Variants in VAPB observed in about 807,000 individuals in gnomAD.
VAPB encodes VAMP associated protein B and C.
VAPB carries 7 observed loss-of-function variants against 25.6 expected under a neutral mutation model. That is an observed-to-expected ratio of 0.27 (90% CI 0.16 to 0.51). VAPB has a LOEUF of 0.51. Ranked by LOEUF, VAPB falls within the 20% of genes least tolerant of loss-of-function variation. The probability of loss-of-function intolerance (pLI) is 0.97; values close to 1 mark genes in which losing one functional copy is unlikely to be tolerated. For missense variants in VAPB, 266 were observed against 301.3 expected (o/e 0.88, Z 0.87); for synonymous variants, 112 against 109.2 (o/e 1.03, Z -0.16).
At chr20:58,417,562 T>A (rs186878428) in intron 1 of VAPB, among the ~76,000 whole-genome samples, 134 of 152,334 alleles carry the variant, frequency 8.8e-4, no homozygotes, top group African/African-American at 1.7e-3. Context: ...CGTGAGTAAT[T>A]AGTACCGTCT....
chr20:58,431,673 C>G lies in VAPB; in HGVS notation c.212-2929C>G, dbSNP rs866695387. On this transcript the variant is annotated intron_variant, in intron 2 of 5. Coordinates refer to ENST00000475243, the MANE Select transcript of VAPB (RefSeq NM_004738.5). The stretch of plus-strand genomic sequence containing the variant: ...GCAGCCTCCATCTCCCAGGCCTAAG[C>G]AGTCCTTCCACCTCAATCTCAGCCT... Among the ~76,000 whole-genome samples, 10 of 152,140 alleles carry G rather than the reference C, an allele frequency of 6.6e-5. No individual in the cohort carries two copies. In the South Asian group the frequency reaches 1.9e-3, roughly 28 times the overall value.
In VAPB at chr20:58,445,426, A is replaced by G; in HGVS notation, c.*1191A>G. ...AAGGGAAGAGAGAAACTCTTCAGCG[A>G]ATCCTTCTAGTACTAGTTGAGAGTT... On this transcript the variant is annotated 3_prime_UTR_variant, in exon 6 of 6. Transcript: ENST00000475243. 2.2e-6 allele frequency: 1 copy of G among 454,476 alleles called. No homozygotes were observed. The highest frequency in any genetic ancestry group is 4.4e-6 in the Non-Finnish European group (1 of 226,766). 28.2% of individuals were successfully genotyped at this position (454,476 alleles called of 1,614,324 possible).
intron 1 of VAPB, among the ~76,000 whole-genome samples, chr20:58,404,728 G>C (rs981022492): frequency 6.6e-6 from 1 of 152,168 alleles, no homozygotes; most frequent in South Asian, 2.1e-4. Flanking sequence ...CGTCACATTT[G>C]ATATTTTTTT....
chr20:58,444,193 G>A lies in VAPB; in HGVS notation c.690G>A (p.Leu230=). The change falls in exon 6 of 6, where the codon TTG becomes TTA. Residue 230 remains leucine (L), a synonymous_variant. Transcript: ENST00000475243. ...CCCGGCTCTTGGCTCTGGTGGTTTT[G>A]TTCTTTATCGTTGGTGTAATTATTG... is the stretch of plus-strand genomic sequence containing the variant. ...LSTRLLALVV[L]FFIVGVIIGK... is the part of the protein sequence containing the mutation. The A allele has an allele frequency of 6.2e-7, 1 of 1,614,220 alleles. No homozygotes were observed. The highest frequency in any genetic ancestry group is 8.5e-7 in the Non-Finnish European group (1 of 1,180,046).
intron 2 of VAPB, among the ~76,000 whole-genome samples, chr20:58,429,168 CT>C (rs1988873160): frequency 6.7e-6 from 1 of 149,278 alleles, no homozygotes; most frequent in East Asian, 2.0e-4. Flanking sequence ...AAGCAGAAAA[CT>C]TTTCTCAGAT....
chr20:58,389,615 A>C (rs948391289), intron 1 of VAPB, 98 bp downstream of exon 1: 8 of 1,295,998 alleles, frequency 6.2e-6, no homozygotes, highest in East Asian at 3.2e-5. Flanking sequence ...CCTCGTCCCC[A>C]CCCCGACGGC....
At chr20:58,437,995 C>T (rs776169039) in intron 3 of VAPB, among the ~76,000 whole-genome samples, 43 of 152,190 alleles carry the variant, frequency 2.8e-4, no homozygotes, top group Admixed American at 4.6e-4. Context: ...TCCTAGAATA[C>T]CCTGGAATTC....
At chr20:58,418,845 A>G (rs112813199) in intron 2 of VAPB, among the ~76,000 whole-genome samples, 8 of 152,298 alleles carry the variant, frequency 5.3e-5, no homozygotes, top group Non-Finnish European at 8.8e-5. Context: ...TGATTGTGAA[A>G]CGCCAAGAGA....
chr20:58,435,854 G>A (rs1989033318), intron 3 of VAPB, among the ~76,000 whole-genome samples: 1 of 152,158 alleles, frequency 6.6e-6, no homozygotes, highest in Non-Finnish European at 1.5e-5. Context: ...AAAGAAACAT[G>A]GCAGATAGAA....
chr20:58,409,397 G>A, intron 1 of VAPB, among the ~76,000 whole-genome samples: 1 of 152,258 alleles, frequency 6.6e-6, no homozygotes, highest in East Asian at 1.9e-4. Context: ...TAGAATGTCC[G>A]TGTCCCTCCA....
intron 1 of VAPB, among the ~76,000 whole-genome samples, chr20:58,396,628 T>G (rs1277663958): frequency 6.6e-6 from 1 of 152,188 alleles, no homozygotes; most frequent in South Asian, 2.1e-4. Flanking sequence ...GGAGTGGTCA[T>G]ATGTGTGAGT....
chr20:58,395,910 A>G (rs932958800), intron 1 of VAPB, among the ~76,000 whole-genome samples: 5 of 152,196 alleles, frequency 3.3e-5, no homozygotes, highest in African/African-American at 9.7e-5. Flanking sequence ...AGGATTATTT[A>G]AAAAACAAAC....
intron 1 of VAPB, among the ~76,000 whole-genome samples, chr20:58,395,262 C>T (rs982770255): frequency 2.6e-5 from 4 of 151,750 alleles, no homozygotes. Flanking sequence ...AACGATTCTC[C>T]TGCCTCAGCC....
In VAPB at chr20:58,389,302, A is replaced by AACC; in HGVS notation, c.-158_-157insACC. ...CCCTGCGCCTGCACCGCGTAGACCGACCCCCCCCCAGCGCGCCCACCCGGT... is the reference window on the plus strand; with the variant it reads ...CCCTGCGCCTGCACCGCGTAGACCGAACCCCCCCCCCCAGCGCGCCCACCCGGT... On this transcript the variant is annotated 5_prime_UTR_variant, in exon 1 of 6. Coordinates refer to ENST00000475243, the MANE Select transcript of VAPB (RefSeq NM_004738.5). 7.5e-6 allele frequency: 3 copies of AACC among 399,634 alleles called. No homozygotes were observed. Among genetic ancestry groups the AACC allele is most frequent in the South Asian group, 1.8e-5 (1 of 56,198 alleles). The allele number at this position is 399,634 out of a possible 1,614,324, so 24.8% of individuals were successfully genotyped here.
intron 2 of VAPB, among the ~76,000 whole-genome samples, chr20:58,420,191 G>T (rs763806549): frequency 7.2e-5 from 11 of 152,142 alleles, no homozygotes; most frequent in Non-Finnish European, 5.9e-5. Flanking sequence ...CACCATGTTG[G>T]CTAGGCTGGT....
intron 1 of VAPB, among the ~76,000 whole-genome samples, chr20:58,402,734 A>G (rs1489424031): frequency 6.6e-6 from 1 of 152,072 alleles, no homozygotes; most frequent in Admixed American, 6.6e-5. Flanking sequence ...GCCAGGCGCA[A>G]TGGCTCACAC....
chr20:58,445,590 A>G lies in VAPB; in HGVS notation c.*1355A>G. 2.2e-6 allele frequency: 1 copy of G among 453,914 alleles called. No individual in the cohort carries two copies. The highest frequency in any genetic ancestry group is 4.4e-6 in the Non-Finnish European group (1 of 226,656). 28.1% of individuals were successfully genotyped at this position (453,914 alleles called of 1,614,324 possible). ...TTTGTCACATTTGCTCTATGGGGGGAATTATTATTTTATCATTTTTATTAT... is the reference window on the plus strand; with the variant it reads ...TTTGTCACATTTGCTCTATGGGGGGGATTATTATTTTATCATTTTTATTAT... On this transcript the variant is annotated 3_prime_UTR_variant, in exon 6 of 6. Transcript: ENST00000475243.
At position 58,444,745 on chromosome 20, in the gene VAPB, G is replaced by T. The variant is rs1401766728; in HGVS notation, c.*510G>T. On this transcript the variant is annotated 3_prime_UTR_variant, in exon 6 of 6. Coordinates refer to ENST00000475243, the MANE Select transcript of VAPB (RefSeq NM_004738.5). ...AAGCCATCAGCTCCTTGGGACTGAT[G>T]AACAGAGTCAGAAGCCCAAAGGAAT... 6.6e-6 allele frequency: 3 copies of T among 454,428 alleles called. No homozygotes were observed. The highest frequency in any genetic ancestry group is 4.7e-5 in the Admixed American group (2 of 42,560). 28.1% of individuals were successfully genotyped at this position (454,428 alleles called of 1,614,324 possible). A position where few individuals can be genotyped will look rare whatever the true frequency, so the allele number is the denominator to read the frequency against.
intron 2 of VAPB, among the ~76,000 whole-genome samples, chr20:58,426,916 G>A (rs1043883113): frequency 6.6e-6 from 1 of 152,224 alleles, no homozygotes; most frequent in African/African-American, 2.4e-5. Context: ...GTACTTGTTA[G>A]ACTTTATTTG....
Sources: allele counts gnomAD v4.1 joint callset (sites outside exome capture counted in the v4.1 genomes callset), GRCh38; gene constraint gnomAD v4.1.1; transcripts MANE v1.5; gene names NCBI Gene and HGNC (gene_info 2026-07-23, HGNC 2026-07-21).